Variants in PPM1B observed in about 807,000 individuals in gnomAD.
The protein encoded by PPM1B is protein phosphatase, Mg2+/Mn2+ dependent 1B.
A neutral mutation model predicts 43.0 loss-of-function variants in PPM1B; 22 were observed. The ratio of observed to expected loss-of-function variants is 0.51; its 90% CI spans 0.37 to 0.73. The LOEUF is 0.73. Among genes scored for constraint, PPM1B ranks in the 30% least tolerant of loss-of-function variants. The pLI, the probability that PPM1B is intolerant of heterozygous loss-of-function variation, is 0.00. For synonymous variants in PPM1B, 217 were observed against 197.9 expected (o/e 1.10, Z -0.81); for missense variants, 632 against 584.2 (o/e 1.08, Z -0.84).
intron 1 of PPM1B, among the ~76,000 whole-genome samples, chr2:44,183,855 C>T (rs1667999239): frequency 6.6e-6 from 1 of 152,208 alleles, no homozygotes; most frequent in Non-Finnish European, 1.5e-5. Context: ...TCTCCTGCCT[C>T]AGCCTCCAGA....
chr2:44,223,915 T>G (rs945661295), intron 5 of PPM1B, among the ~76,000 whole-genome samples: 1 of 151,516 alleles, frequency 6.6e-6, no homozygotes, highest in African/African-American at 2.4e-5. Context: ...AACACTTACC[T>G]TTGCTATGTG....
chr2:44,234,632 G>T, downstream of PPM1B: 1 of 984,384 alleles, frequency 1.0e-6, no homozygotes, highest in Non-Finnish European at 1.2e-6. Context: ...CATATTCAGT[G>T]TTGACTCATC....
intron 1 of PPM1B, among the ~76,000 whole-genome samples, chr2:44,173,947 C>T (rs1265035866): frequency 2.0e-5 from 3 of 152,154 alleles, no homozygotes. Flanking sequence ...TGTCTCGAAA[C>T]AAAAATAATA....
chr2:44,192,597 C>G (rs557570670), intron 1 of PPM1B, among the ~76,000 whole-genome samples: 1 of 152,274 alleles, frequency 6.6e-6, no homozygotes, highest in Non-Finnish European at 1.5e-5. Context: ...GATGTTATAA[C>G]ATATGTATGC....
intron 3 of PPM1B, among the ~76,000 whole-genome samples, chr2:44,213,488 G>C (rs1282588854): frequency 6.6e-6 from 1 of 151,874 alleles, no homozygotes; most frequent in East Asian, 1.9e-4. Flanking sequence ...AGTAATTGGT[G>C]AGAGTTTTGA....
chr2:44,210,477 A>T (rs1378212182), intron 3 of PPM1B, among the ~76,000 whole-genome samples: 1 of 152,028 alleles, frequency 6.6e-6, no homozygotes, highest in Admixed American at 6.6e-5. Flanking sequence ...ACATTGGCCT[A>T]CCAAAGTGCT....
chr2:44,208,168 G>A (rs1010228575), intron 2 of PPM1B, among the ~76,000 whole-genome samples: 2 of 151,944 alleles, frequency 1.3e-5, no homozygotes, highest in Non-Finnish European at 2.9e-5. Context: ...GATTACAGGC[G>A]TGAGCCACCG....
intron 5 of PPM1B, chr2:44,229,948 T>C: frequency 1.4e-6 from 2 of 1,467,056 alleles, no homozygotes; most frequent in Non-Finnish European, 1.8e-6. Flanking sequence ...CAAAAATCTG[T>C]TTAAATCTAT....
chr2:44,196,907 T>C (rs182260918), intron 1 of PPM1B, among the ~76,000 whole-genome samples: 15 of 152,324 alleles, frequency 9.8e-5, no homozygotes, highest in Admixed American at 3.9e-4. Context: ...CACCTTAGCA[T>C]GTTTGGCAAA....
chr2:44,196,264 T>C (rs1377349468), intron 1 of PPM1B, among the ~76,000 whole-genome samples: 1 of 152,204 alleles, frequency 6.6e-6, no homozygotes, highest in African/African-American at 2.4e-5. Flanking sequence ...AGGCTTTCCT[T>C]GTTTTTTATC....
At chr2:44,241,736 C>T (rs1162919212) in intron 5 of PPM1B, among the ~76,000 whole-genome samples, 2 of 150,252 alleles carry the variant, frequency 1.3e-5, no homozygotes, top group Non-Finnish European at 2.9e-5. Flanking sequence ...TGTCTCAAAA[C>T]ATAAAATGTC....
At chr2:44,174,656 T>C (rs1572678114) in intron 1 of PPM1B, among the ~76,000 whole-genome samples, 1 of 152,228 alleles carries the variant, frequency 6.6e-6, no homozygotes, top group Admixed American at 6.5e-5. Context: ...ATCAATAATA[T>C]GTAGAGTAAT....
At chr2:44,233,386 C>G, downstream of PPM1B, 1 of 983,566 alleles carries the variant, frequency 1.0e-6, no homozygotes, top group Non-Finnish European at 1.2e-6. Flanking sequence ...ACATAAGGTA[C>G]TTGAAGATTT....
intron 3 of PPM1B, among the ~76,000 whole-genome samples, chr2:44,212,651 G>T (rs1010381108): frequency 3.3e-5 from 5 of 151,684 alleles, no homozygotes; most frequent in African/African-American, 9.7e-5. Flanking sequence ...CTCCATTCTT[G>T]CCTTCTTTTA....
At chr2:44,232,861 T>C (rs1400477403), downstream of PPM1B, 4 of 971,590 alleles carry the variant, frequency 4.1e-6, no homozygotes, top group East Asian at 1.1e-4. Context: ...TTGATTGTTA[T>C]TTAATTTTTT....
At chr2:44,198,025 G>C (rs1668744763) in intron 1 of PPM1B, among the ~76,000 whole-genome samples, 1 of 152,180 alleles carries the variant, frequency 6.6e-6, no homozygotes, top group Non-Finnish European at 1.5e-5. Context: ...ATAGGAAGCA[G>C]ATGGGATTGA....
At chr2:44,238,848 GTTAA>G (rs1204338397), downstream of PPM1B, among the ~76,000 whole-genome samples, 4 of 152,186 alleles carry the variant, frequency 2.6e-5, no homozygotes, top group East Asian at 7.7e-4. Context: ...TACTCCAAGA[GTTAA>G]TTAAATCCAA....
At chr2:44,170,753 AGTGTACAG>A (rs554334224) in intron 1 of PPM1B, among the ~76,000 whole-genome samples, 1 of 152,350 alleles carries the variant, frequency 6.6e-6, no homozygotes, top group African/African-American at 2.4e-5. Context: ...GTCTTTTCCA[AGTGTACAG>A]GCCTTTTAAA....
At chr2:44,210,302 A>G (rs1456698912) in intron 3 of PPM1B, among the ~76,000 whole-genome samples, 1 of 150,396 alleles carries the variant, frequency 6.6e-6, no homozygotes, top group Non-Finnish European at 1.5e-5. Context: ...CTACAGCCTC[A>G]ACTCCCTGGG....
Sources: gnomAD v4.1 joint callset for allele counts (sites outside exome capture counted in the v4.1 genomes callset) on GRCh38, gnomAD v4.1.1 for gene constraint, MANE v1.5 for transcripts, NCBI Gene and HGNC (gene_info 2026-07-23, HGNC 2026-07-21) for gene names.